Variants in LPP observed in about 807,000 individuals in gnomAD.
LPP encodes the protein lipoma-preferred partner.
In LPP, 38 loss-of-function variants were observed where a neutral mutation model predicts 60.4. The observed-to-expected ratio is 0.63, with a 90% CI of 0.49 to 0.83. The LOEUF (loss-of-function observed/expected upper bound fraction) is 0.83. Ranked by LOEUF, LPP falls within the 40% of genes least tolerant of loss-of-function variation. The pLI is 0.00. For synonymous variants in LPP, 328 were observed against 290.8 expected (o/e 1.13, Z -1.30); for missense variants, 902 against 783.6 (o/e 1.15, Z -1.80).
intron 9 of LPP, among the ~76,000 whole-genome samples, chr3:188,807,119 G>GT (rs58021077): frequency 0.39 from 58,538 of 151,218 alleles, 13,588 homozygotes; most frequent in East Asian, 0.84. Context: ...GTAGAGAATT[G>GT]GTTGGCCTTT....
At chr3:188,664,344 G>A (rs1855285655) in intron 7 of LPP, among the ~76,000 whole-genome samples, 1 of 152,184 alleles carries the variant, frequency 6.6e-6, no homozygotes, top group South Asian at 2.1e-4. Flanking sequence ...GCCGCTAAAT[G>A]TGTAAAACCT....
intron 7 of LPP, among the ~76,000 whole-genome samples, chr3:188,671,315 T>C (rs1310730932): frequency 6.6e-6 from 1 of 152,230 alleles, no homozygotes; most frequent in Non-Finnish European, 1.5e-5. Context: ...TTATCCCTTG[T>C]CTTTTAAAAG....
chr3:188,416,479 C>A (rs1288946106), intron 4 of LPP, among the ~76,000 whole-genome samples: 3 of 152,190 alleles, frequency 2.0e-5, no homozygotes, highest in African/African-American at 7.2e-5. Flanking sequence ...TTGGGAACCA[C>A]TCATTTATTT....
At chr3:188,203,216 C>G (rs188409490) in intron 1 of LPP, among the ~76,000 whole-genome samples, 7 of 126,774 alleles carry the variant, frequency 5.5e-5, no homozygotes, top group African/African-American at 2.1e-4. Context: ...AATTATAATA[C>G]AGCATATTGT....
At chr3:188,258,596 T>C (rs536110320) in intron 2 of LPP, among the ~76,000 whole-genome samples, 3 of 152,304 alleles carry the variant, frequency 2.0e-5, no homozygotes, top group African/African-American at 4.8e-5. Context: ...GCTGGAATCA[T>C]GGAGCTTTTT....
chr3:188,837,544 T>C (rs1353893055), intron 9 of LPP, among the ~76,000 whole-genome samples: 1 of 152,084 alleles, frequency 6.6e-6, no homozygotes, highest in Non-Finnish European at 1.5e-5. Flanking sequence ...CAGAGAACAA[T>C]AGTCACCCTC....
At chr3:188,822,613 T>C (rs1754293203) in intron 9 of LPP, among the ~76,000 whole-genome samples, 1 of 152,196 alleles carries the variant, frequency 6.6e-6, no homozygotes, top group Non-Finnish European at 1.5e-5. Flanking sequence ...GCTCATTTGA[T>C]AACCTCATAA....
At chr3:188,639,696 A>T (rs1489336533) in intron 7 of LPP, among the ~76,000 whole-genome samples, 1 of 151,864 alleles carries the variant, frequency 6.6e-6, no homozygotes, top group Non-Finnish European at 1.5e-5. Flanking sequence ...CCCATCAAAA[A>T]GTGGGCGAAG....
intron 6 of LPP, among the ~76,000 whole-genome samples, chr3:188,536,320 T>C (rs1823608958): frequency 2.4e-5 from 1 of 42,330 alleles, no homozygotes; most frequent in Admixed American, 2.8e-4. Context: ...TATTACAAGA[T>C]TTTTTTTTTT....
chr3:188,530,681 T>C (rs1289432889), intron 6 of LPP, among the ~76,000 whole-genome samples: 2 of 152,226 alleles, frequency 1.3e-5, no homozygotes, highest in African/African-American at 4.8e-5. Flanking sequence ...TTTCCTTTAG[T>C]ATCACAATTG....
chr3:188,406,261 G>A lies in LPP; in HGVS notation c.141G>A (p.Pro47=), dbSNP rs746896327. ...AACAGCCACCCAAAAAGTTTGCCCC[G>A]GTAGTTGCTCCAAAACCTAAGTACA... The part of the protein sequence containing the change: ...STQQPPKKFA[P]VVAPKPKYNP... The change falls in exon 4 of 12, where the codon CCG becomes CCA. Residue 47 remains proline (P), a synonymous_variant. Coordinates refer to ENST00000617246, the MANE Select transcript of LPP (RefSeq NM_001375462.1). 22 of 1,613,972 alleles carry A rather than the reference G, an allele frequency of 1.4e-5. No individual in the cohort carries two copies. The highest frequency in any genetic ancestry group is 1.7e-5 in the Non-Finnish European group (20 of 1,180,004).
intron 8 of LPP, among the ~76,000 whole-genome samples, chr3:188,720,104 G>T (rs1715727335): frequency 6.6e-6 from 1 of 152,090 alleles, no homozygotes; most frequent in Non-Finnish European, 1.5e-5. Context: ...GTAGCTATGG[G>T]GTTTTACCAT....
At chr3:188,215,807 G>T (rs1713322078) in intron 1 of LPP, among the ~76,000 whole-genome samples, 1 of 152,214 alleles carries the variant, frequency 6.6e-6, no homozygotes, top group South Asian at 2.1e-4. Flanking sequence ...ATGTGATCAG[G>T]AGTAAGCAGA....
At chr3:188,651,798 A>G (rs932871953) in intron 7 of LPP, among the ~76,000 whole-genome samples, 1 of 152,168 alleles carries the variant, frequency 6.6e-6, no homozygotes, top group African/African-American at 2.4e-5. Context: ...CCTTCCCACA[A>G]CACATGGGAA....
At chr3:188,191,529 G>A (rs1371272370) in intron 1 of LPP, among the ~76,000 whole-genome samples, 3 of 152,194 alleles carry the variant, frequency 2.0e-5, no homozygotes, top group Non-Finnish European at 4.4e-5. Flanking sequence ...GAATGGAGGG[G>A]CAGCAGCCAG....
intron 9 of LPP, among the ~76,000 whole-genome samples, chr3:188,776,263 C>CAGAG (rs746841961): frequency 6.6e-6 from 1 of 152,140 alleles, no homozygotes; most frequent in Non-Finnish European, 1.5e-5. Context: ...AAAGACCTCC[C>CAGAG]AGAGGATGCA....
intron 8 of LPP, among the ~76,000 whole-genome samples, chr3:188,723,330 A>G (rs1358563405): frequency 6.6e-6 from 1 of 152,198 alleles, no homozygotes; most frequent in Non-Finnish European, 1.5e-5. Context: ...GTAGTCGGAA[A>G]CCTAGTTATT....
chr3:188,240,148 G>C (rs1723482865), intron 2 of LPP: 1 of 188,498 alleles, frequency 5.3e-6, no homozygotes, highest in African/African-American at 2.3e-5. Context: ...ACCCTTCAGA[G>C]GATCTCATCT....
At chr3:188,513,279 C>T (rs1454814293) in intron 5 of LPP, among the ~76,000 whole-genome samples, 2 of 152,214 alleles carry the variant, frequency 1.3e-5, no homozygotes, top group East Asian at 3.8e-4. Context: ...TAAGGTGACG[C>T]TCTAGGATGG....
Sources: gnomAD v4.1 joint callset for allele counts (sites outside exome capture counted in the v4.1 genomes callset) on GRCh38, gnomAD v4.1.1 for gene constraint, MANE v1.5 for transcripts, NCBI Gene and HGNC (gene_info 2026-07-23, HGNC 2026-07-21) for gene names.